RASGRP3: variants seen among roughly 807,000 people sequenced by gnomAD.
RASGRP3 encodes the protein ras guanyl-releasing protein 3.
Under a neutral mutation model 82.7 loss-of-function variants are expected in RASGRP3, and 54 were observed. That is an observed-to-expected ratio of 0.65 (90% confidence interval 0.52 to 0.82). The LOEUF (loss-of-function observed/expected upper bound fraction) is 0.82. Ranked by LOEUF, RASGRP3 falls within the 40% of genes least tolerant of loss-of-function variation. RASGRP3 has a pLI of 0.00. For missense variants in RASGRP3, 861 were observed against 828.9 expected, an observed-to-expected ratio of 1.04 and a Z score of -0.48; for synonymous variants, 309 against 300.5, an observed-to-expected ratio of 1.03 and a Z score of -0.29.
chr2:33,492,474 C>T (rs115780476), intron 1 of RASGRP3, among the ~76,000 whole-genome samples: 501 of 152,242 alleles, frequency 3.3e-3, no homozygotes, highest in African/African-American at 0.012. Context: ...CCCCAGCATC[C>T]ATATGTTGAA....
At chr2:33,520,509 A>C (rs774897853) in intron 5 of RASGRP3, 44 bp from the exon 6 acceptor site, 3 of 1,609,714 alleles carry the variant, frequency 1.9e-6, no homozygotes, top group Non-Finnish European at 2.5e-6. Flanking sequence ...ATAGATAACC[A>C]ACTTGCAATC....
At chr2:33,451,174 T>C (rs1665780642) in intron 2 of RASGRP3, among the ~76,000 whole-genome samples, 1 of 152,150 alleles carries the variant, frequency 6.6e-6, no homozygotes, top group South Asian at 2.1e-4. Context: ...GAGCATTTTT[T>C]CATATACCTA....
chr2:33,558,197 T>C lies in RASGRP3; in HGVS notation c.1580-14T>C. ...GACACACTAATCATCTGCGACACCC[T>C]TGGAATTTTTCAGACTGTGGAGCCA... On this transcript the variant is annotated splice_polypyrimidine_tract_variant and intron_variant, in intron 15 of 17. Transcript: ENST00000403687. 6.2e-7 allele frequency: 1 copy of C among 1,608,076 alleles called. No homozygotes were observed. The highest frequency in any genetic ancestry group is 1.3e-5 in the African/African-American group (1 of 74,946).
At chr2:33,499,697 T>A (rs1669673025) in intron 1 of RASGRP3, among the ~76,000 whole-genome samples, 1 of 152,088 alleles carries the variant, frequency 6.6e-6, no homozygotes, top group South Asian at 2.1e-4. Context: ...TCAACTGATT[T>A]GGATCAAATC....
rs370150483 is a variant in RASGRP3, at chr2:33,539,113, C to T, written c.1181C>T (p.Thr394Met). 48 of 1,608,210 alleles carry T rather than the reference C, an allele frequency of 3.0e-5. No homozygotes were observed. Among genetic ancestry groups the T allele is most frequent in the African/African-American group, 9.4e-5 (7 of 74,678 alleles). Residue 394 changes from threonine to methionine, a missense_variant, in exon 12 of 18, where the codon ACG (threonine) becomes ATG (methionine). Coordinates refer to ENST00000403687, the MANE Select transcript of RASGRP3 (RefSeq NM_001139488.2). ...NSKSQPTSPT[T>M]PNKPVVPLEW... The stretch of plus-strand genomic sequence containing the variant: ...TATCAGCAGCCTACCTCCCCTACGA[C>T]GCCCAACAAGCCTGTGGTACCCCTG...
At chr2:33,461,162 C>A (rs780207977) in intron 2 of RASGRP3, among the ~76,000 whole-genome samples, 1 of 152,214 alleles carries the variant, frequency 6.6e-6, no homozygotes, top group Non-Finnish European at 1.5e-5. Flanking sequence ...TTTACCCCAA[C>A]CTAAACTTAT....
intron 2 of RASGRP3, among the ~76,000 whole-genome samples, chr2:33,451,364 G>T (rs1328540461): frequency 6.6e-6 from 1 of 152,132 alleles, no homozygotes; most frequent in Non-Finnish European, 1.5e-5. Context: ...CCCACAGGCT[G>T]TCTCTACAGT....
At chr2:33,454,151 G>A (rs1665929443) in intron 2 of RASGRP3, among the ~76,000 whole-genome samples, 1 of 152,126 alleles carries the variant, frequency 6.6e-6, no homozygotes, top group African/African-American at 2.4e-5. Flanking sequence ...CAAGGTGTCA[G>A]CAGGTTTGGT....
At position 33,564,540 on chromosome 2, in the gene RASGRP3, A is replaced by C. The variant is rs1677037821; in HGVS notation, c.*1803A>C. The C allele has an allele frequency of 6.6e-6, 1 of 152,238 alleles. No individual in the cohort carries two copies. The highest frequency in any genetic ancestry group is 6.5e-5 in the Admixed American group (1 of 15,290). 9.4% of individuals were successfully genotyped at this position (152,238 alleles called of 1,614,324 possible). A position where few individuals can be genotyped will look rare whatever the true frequency, so the allele number is the denominator to read the frequency against. On this transcript the variant is annotated 3_prime_UTR_variant, in exon 18 of 18. Transcript: ENST00000403687. Reference sequence around the variant, plus strand: ...AGAAAAGCTTTTTGTGTGTTTAAAAAAATTGAAGAAAATTCAGGAAGAAAC... The same window carrying C: ...AGAAAAGCTTTTTGTGTGTTTAAAACAATTGAAGAAAATTCAGGAAGAAAC...
Position 33,527,384 on chromosome 2 carries a change from C to T in RASGRP3, c.1055C>T (p.Pro352Leu), listed in dbSNP as rs1346004453. The change falls in exon 10 of 18, where the codon CCC (proline) becomes CTC (leucine). Residue 352 changes from proline to leucine, a missense_variant. Physicochemically the swap from Pro to Leu is moderately conservative, Grantham distance 98. Transcript: ENST00000403687. ...CAGAATGCCTCTCACCACTTAGAACCCAACATGGATTTGATCAACCTGCTC... is the reference window on the plus strand; with the variant it reads ...CAGAATGCCTCTCACCACTTAGAACTCAACATGGATTTGATCAACCTGCTC... ...SLQNASHHLE[P>L]NMDLINLLTL... is the part of the protein sequence containing the mutation. 6.2e-6 allele frequency: 10 copies of T among 1,613,698 alleles called. No homozygotes were observed. Among genetic ancestry groups the T allele is most frequent in the Non-Finnish European group, 8.5e-6 (10 of 1,179,694 alleles).
At chr2:33,501,972 T>C (rs1176609853) in intron 1 of RASGRP3, among the ~76,000 whole-genome samples, 1 of 151,926 alleles carries the variant, frequency 6.6e-6, no homozygotes, top group Non-Finnish European at 1.5e-5. Context: ...GCCAGAGTAG[T>C]TTGAATAGAG....
At chr2:33,559,513 C>A (rs893084275) in intron 17 of RASGRP3, 3 of 440,448 alleles carry the variant, frequency 6.8e-6, no homozygotes, top group Admixed American at 2.4e-5. Flanking sequence ...ATCAGAGATA[C>A]GAGGCCCTTG....
chr2:33,460,105 C>A (rs1336363909), intron 2 of RASGRP3, among the ~76,000 whole-genome samples: 4 of 152,146 alleles, frequency 2.6e-5, no homozygotes, highest in South Asian at 2.1e-4. Flanking sequence ...ATGTTTAGTG[C>A]AACACTGTTC....
chr2:33,521,870 A>G (rs1672066673), intron 6 of RASGRP3, 85 bp from the exon 7 acceptor site: 1 of 1,485,790 alleles, frequency 6.7e-7, no homozygotes, highest in African/African-American at 1.4e-5. Flanking sequence ...AAGCAAGCCA[A>G]GAGTTGCAGA....
intron 8 of RASGRP3, 43 bp downstream of exon 8, chr2:33,524,095 CGTTCACT>C (rs750931456): frequency 6.3e-7 from 1 of 1,588,124 alleles, no homozygotes; most frequent in African/African-American, 1.3e-5. Context: ...TCTAGATGTT[CGTTCACT>C]CTGTTGAGAA....
At chr2:33,463,457 T>C (rs1177101374) in intron 2 of RASGRP3, among the ~76,000 whole-genome samples, 1 of 152,160 alleles carries the variant, frequency 6.6e-6, no homozygotes, top group Non-Finnish European at 1.5e-5. Flanking sequence ...AAGGGGAAGA[T>C]GATTGTTAAT....
intron 14 of RASGRP3, 66 bp from the exon 15 acceptor site, chr2:33,555,465 A>G: frequency 7.1e-7 from 1 of 1,412,656 alleles, no homozygotes; most frequent in Non-Finnish European, 9.8e-7. Flanking sequence ...CTTCCTTTTC[A>G]GTGGCCTTGT....
intron 7 of RASGRP3, among the ~76,000 whole-genome samples, chr2:33,522,768 T>C (rs1672160813): frequency 6.6e-6 from 1 of 152,216 alleles, no homozygotes; most frequent in African/African-American, 2.4e-5. Context: ...AAGTCGCTCC[T>C]CCTCCTTTTC....
At chr2:33,512,152 G>A (rs1670983982) in intron 2 of RASGRP3, among the ~76,000 whole-genome samples, 1 of 152,212 alleles carries the variant, frequency 6.6e-6, no homozygotes, top group South Asian at 2.1e-4. Context: ...ACTGATTGCA[G>A]AAACAGATTG....
Sources: gnomAD v4.1 joint callset for allele counts (sites outside exome capture counted in the v4.1 genomes callset) on GRCh38, gnomAD v4.1.1 for gene constraint, MANE v1.5 for transcripts, NCBI Gene and HGNC (gene_info 2026-07-23, HGNC 2026-07-21) for gene names.